Variants in BCL11A observed in about 807,000 individuals in gnomAD.
BCL11A encodes B cell CLL/lymphoma 11A.
Under a neutral mutation model 55.9 loss-of-function variants are expected in BCL11A, and 2 were observed. The observed-to-expected ratio is 0.04, with a 90% CI of 0.01 to 0.11. The LOEUF (loss-of-function observed/expected upper bound fraction) is 0.11. Ranked by LOEUF, BCL11A falls within the 10% of genes least tolerant of loss-of-function variation. The probability of loss-of-function intolerance (pLI) is 1.00; values close to 1 mark genes in which losing one functional copy is unlikely to be tolerated. For missense variants in BCL11A, 817 were observed against 1,137.1 expected, an observed-to-expected ratio of 0.72 and a Z score of 4.05; for synonymous variants, 465 against 473.4, an observed-to-expected ratio of 0.98 and a Z score of 0.23.
intron 2 of BCL11A, among the ~76,000 whole-genome samples, chr2:60,515,329 G>A (rs768995820): frequency 1.3e-5 from 2 of 152,130 alleles, no homozygotes; most frequent in Non-Finnish European, 2.9e-5. Context: ...TCAAAGCCCG[G>A]TCTTTCTCTG....
intron 2 of BCL11A, chr2:60,533,775 A>C (rs2104654712): frequency 6.6e-6 from 1 of 152,346 alleles, no homozygotes; most frequent in Non-Finnish European, 1.5e-5. Context: ...AGTTCATCTT[A>C]CTGCCTAAAA....
At chr2:60,480,055 CGGTGTGG>C (rs1558631165) in intron 2 of BCL11A, among the ~76,000 whole-genome samples, 4 of 152,178 alleles carry the variant, frequency 2.6e-5, no homozygotes, top group Non-Finnish European at 5.9e-5. Context: ...GCGGCTCCTC[CGGTGTGG>C]AGCAAGCTGT....
chr2:60,467,993 A>G (rs1263840029), intron 3 of BCL11A, among the ~76,000 whole-genome samples: 87 of 6,090 alleles, frequency 0.014, 1 homozygote, highest in Non-Finnish European at 0.018. Flanking sequence ...GGTGGTGGTA[A>G]TGGTGGTGGT....
At chr2:60,464,303 T>C (rs549006664) in intron 3 of BCL11A, among the ~76,000 whole-genome samples, 8 of 152,228 alleles carry the variant, frequency 5.3e-5, no homozygotes, top group Non-Finnish European at 1.0e-4. Context: ...ATCTGCCTAT[T>C]TTTGTTTGCC....
chr2:60,458,972 T>G lies in BCL11A; in HGVS notation c.*1432A>C. On this transcript the variant is annotated 3_prime_UTR_variant, in exon 4 of 4. Coordinates refer to ENST00000642384, the MANE Select transcript of BCL11A (RefSeq NM_022893.4). ...ACAACTTTTAGGGAGCACAGACATA[T>G]ATACTGCTACTCTTAAAATTCTTTC... 1 of 1,033,232 alleles carries G rather than the reference T, an allele frequency of 9.7e-7. No individual in the cohort carries two copies. The highest frequency in any genetic ancestry group is 1.2e-6 in the Non-Finnish European group (1 of 858,076). 64.0% of individuals were successfully genotyped at this position (1,033,232 alleles called of 1,614,324 possible). A position where few individuals can be genotyped will look rare whatever the true frequency, so the allele number is the denominator to read the frequency against.
chr2:60,474,895 T>G (rs1391836349), intron 2 of BCL11A, among the ~76,000 whole-genome samples: 1 of 152,196 alleles, frequency 6.6e-6, no homozygotes, highest in Non-Finnish European at 1.5e-5. Context: ...GCACAGAAAT[T>G]GCTCTACCCC....
downstream of BCL11A, among the ~76,000 whole-genome samples, chr2:60,453,309 A>T (rs539818272): frequency 6.6e-6 from 1 of 152,296 alleles, no homozygotes; most frequent in African/African-American, 2.4e-5. Context: ...GAAGGGAAGA[A>T]GGGAGTGGTT....
chr2:60,462,187 C>T lies in BCL11A; in HGVS notation c.725G>A (p.Arg242Lys). 1 of 1,597,462 alleles carries T rather than the reference C, an allele frequency of 6.3e-7. No individual in the cohort carries two copies. The highest frequency in any genetic ancestry group is 8.5e-7 in the Non-Finnish European group (1 of 1,172,266). Residue 242 changes from arginine to lysine, a missense_variant, in exon 4 of 4, where the codon AGA becomes AAA. By Grantham distance (26) the Arg-to-Lys change is conservative (BLOSUM62 2). Transcript: ENST00000642384. ...IADNNPFNLLRIPGSVSREAS... is the reference protein window; with the variant it reads ...IADNNPFNLLKIPGSVSREAS... ...CTCTCTCGATACTGATCCTGGTATT[C>T]TTAGCAGGTTAAAGGGGTTATTGTC... is the stretch of plus-strand genomic sequence containing the variant.
intron 1 of BCL11A, among the ~76,000 whole-genome samples, chr2:60,549,523 G>A (rs1670299002): frequency 6.6e-6 from 1 of 152,250 alleles, no homozygotes; most frequent in African/African-American, 2.4e-5. Context: ...AAGTGAAGTT[G>A]GGCGCGGGGA....
chr2:60,517,473 T>G (rs1668784663), intron 2 of BCL11A, among the ~76,000 whole-genome samples: 1 of 152,218 alleles, frequency 6.6e-6, no homozygotes, highest in South Asian at 2.1e-4. Flanking sequence ...GTGGTGGTTT[T>G]GTTGCTTGGG....
At chr2:60,501,893 T>C (rs143036645) in intron 2 of BCL11A, among the ~76,000 whole-genome samples, 235 of 152,268 alleles carry the variant, frequency 1.5e-3, no homozygotes, top group African/African-American at 5.4e-3. Flanking sequence ...TGAGAAGTTA[T>C]ATCAGCCCCT....
chr2:60,505,110 G>T (rs983811081), intron 2 of BCL11A, among the ~76,000 whole-genome samples: 1 of 151,994 alleles, frequency 6.6e-6, no homozygotes, highest in Non-Finnish European at 1.5e-5. Flanking sequence ...CATGAGGTGA[G>T]TCTCAATTTG....
chr2:60,499,215 G>C (rs1048186896), intron 2 of BCL11A, among the ~76,000 whole-genome samples: 2 of 152,208 alleles, frequency 1.3e-5, no homozygotes, highest in African/African-American at 2.4e-5. Context: ...AGGCCTGGTA[G>C]AGCAAGACAG....
chr2:60,546,901 AAG>A lies in BCL11A; in HGVS notation c.56-603_56-602del. The stretch of plus-strand genomic sequence containing the variant: ...TGTGCCACATTTACACTGCTGTAAT[AAG>A]AAAACGACTGCATGCACCTATGAAA... On this transcript the variant is annotated intron_variant, in intron 1 of 3. Coordinates refer to ENST00000642384, the MANE Select transcript of BCL11A (RefSeq NM_022893.4). The surrounding 1 kb of genome is among the most constrained non-coding windows in gnomAD (Gnocchi z 4.1). Among the ~76,000 whole-genome samples, 1 of 152,336 alleles carries A rather than the reference AAG, an allele frequency of 6.6e-6. No homozygotes were observed. Among genetic ancestry groups the A allele is most frequent in the Non-Finnish European group, 1.5e-5 (1 of 68,028 alleles).
intron 2 of BCL11A, among the ~76,000 whole-genome samples, chr2:60,531,260 G>A (rs1669445679): frequency 6.6e-6 from 1 of 151,818 alleles, no homozygotes; most frequent in Admixed American, 6.6e-5. Context: ...CACAAATCCC[G>A]TTGGACCCAC....
In BCL11A at chr2:60,459,022, T is replaced by C. The variant is rs1292947288; in HGVS notation, c.*1382A>G. On this transcript the variant is annotated 3_prime_UTR_variant, in exon 4 of 4. Coordinates refer to ENST00000642384, the MANE Select transcript of BCL11A (RefSeq NM_022893.4). ...CTCTTCTTTTTTTAAGAATGTCACATTTAAATGCAAGTCTTAAGAATTCAT... is the reference window on the plus strand; with the variant it reads ...CTCTTCTTTTTTTAAGAATGTCACACTTAAATGCAAGTCTTAAGAATTCAT... The C allele has an allele frequency of 2.0e-6, 2 of 1,021,864 alleles. No homozygotes were observed. Among genetic ancestry groups the C allele is most frequent in the Non-Finnish European group, 2.4e-6 (2 of 849,552 alleles). 63.3% of individuals were successfully genotyped at this position (1,021,864 alleles called of 1,614,324 possible).
chr2:60,539,559 G>A (rs1669828700), intron 2 of BCL11A, among the ~76,000 whole-genome samples: 1 of 152,156 alleles, frequency 6.6e-6, no homozygotes, highest in South Asian at 2.1e-4. Context: ...ACCCAATATG[G>A]AATAAGTTAC....
chr2:60,478,501 G>C (rs1677762781), intron 2 of BCL11A, among the ~76,000 whole-genome samples: 1 of 152,240 alleles, frequency 6.6e-6, no homozygotes, highest in South Asian at 2.1e-4. Context: ...GGGAAGCGTG[G>C]AAGGCACTTC....
chr2:60,452,478 A>T, downstream of BCL11A: 1 of 1,009,394 alleles, frequency 9.9e-7, no homozygotes, highest in Non-Finnish European at 1.6e-6. Context: ...CTTGGAGGCT[A>T]CTGTCAGAAA....
Sources: allele counts gnomAD v4.1 joint callset (sites outside exome capture counted in the v4.1 genomes callset), GRCh38; gene constraint gnomAD v4.1.1; non-coding constraint Gnocchi (gnomAD v3.1); transcripts MANE v1.5; gene names NCBI Gene and HGNC (gene_info 2026-07-23, HGNC 2026-07-21).